Variants in SKAP1 observed in about 807,000 individuals in gnomAD.
SKAP1 encodes the protein src kinase associated phosphoprotein 1.
In SKAP1, 44 loss-of-function variants were observed where a neutral mutation model predicts 58.5. The observed-to-expected ratio is 0.75, with a 90% CI of 0.59 to 0.97. SKAP1 has a LOEUF of 0.97. Ranked by LOEUF, SKAP1 falls within the 50% of genes least tolerant of loss-of-function variation. The pLI, the probability that SKAP1 is intolerant of heterozygous loss-of-function variation, is 0.00. For missense variants in SKAP1, 390 were observed against 435.2 expected (o/e 0.90, Z 0.92); for synonymous variants, 127 against 149.7 (o/e 0.85, Z 1.11).
chr17:48,220,952 C>T (rs1433430168), intron 4 of SKAP1, among the ~76,000 whole-genome samples: 2 of 147,624 alleles, frequency 1.4e-5, no homozygotes, highest in Non-Finnish European at 3.0e-5. Flanking sequence ...GTAGGGCTTA[C>T]ATAAGTGTGT....
At chr17:48,159,365 A>T (rs2064037121) in intron 11 of SKAP1, among the ~76,000 whole-genome samples, 2 of 152,208 alleles carry the variant, frequency 1.3e-5, no homozygotes. Context: ...AAACAAGTCC[A>T]CTTAAGCTGA....
chr17:48,357,135 C>T (rs1442672294), intron 3 of SKAP1, among the ~76,000 whole-genome samples: 1 of 152,102 alleles, frequency 6.6e-6, no homozygotes, highest in African/African-American at 2.4e-5. Context: ...TCATGAACAT[C>T]CTTGTACATA....
intron 4 of SKAP1, among the ~76,000 whole-genome samples, chr17:48,209,477 T>C (rs753037543): frequency 6.6e-6 from 1 of 152,238 alleles, no homozygotes; most frequent in African/African-American, 2.4e-5. Context: ...TTGTAAAAGC[T>C]GGCCAGATAC....
At chr17:48,425,699 C>A (rs1289116170) in intron 1 of SKAP1, among the ~76,000 whole-genome samples, 1 of 152,176 alleles carries the variant, frequency 6.6e-6, no homozygotes, top group East Asian at 1.9e-4. Context: ...TTACATATAT[C>A]TCAATTCCAA....
chr17:48,137,810 A>G (rs1459263345), intron 11 of SKAP1, among the ~76,000 whole-genome samples: 2 of 152,218 alleles, frequency 1.3e-5, no homozygotes, highest in African/African-American at 2.4e-5. Flanking sequence ...ACAGCAGAGT[A>G]ATGGGCTTTG....
intron 9 of SKAP1, among the ~76,000 whole-genome samples, chr17:48,173,465 G>A (rs969754672): frequency 5.9e-5 from 9 of 152,180 alleles, no homozygotes; most frequent in African/African-American, 9.6e-5. Context: ...CTCGTTACTC[G>A]TCCACTTCCT....
chr17:48,336,932 C>A (rs2066580163), intron 4 of SKAP1, among the ~76,000 whole-genome samples: 1 of 152,042 alleles, frequency 6.6e-6, no homozygotes, highest in South Asian at 2.1e-4. Context: ...TATAATGAGA[C>A]AACATAATAA....
intron 2 of SKAP1, among the ~76,000 whole-genome samples, chr17:48,392,717 A>ATGCTAAAGGTGTGGTGT (rs1447208944): frequency 2.9e-4 from 44 of 152,034 alleles, no homozygotes; most frequent in Admixed American, 2.3e-3. Context: ...ACCTTTAGCC[A>ATGCTAAAGGTGTGGTGT]GGTGTGGTGG....
chr17:48,209,584 A>T (rs1477208811), intron 4 of SKAP1, among the ~76,000 whole-genome samples: 1 of 152,184 alleles, frequency 6.6e-6, no homozygotes, highest in Non-Finnish European at 1.5e-5. Flanking sequence ...GATTCCATGT[A>T]TGAAAGGATA....
intron 4 of SKAP1, among the ~76,000 whole-genome samples, chr17:48,257,628 C>CTTTTTTTTTTTTTTTTTTTTGTTTTTTT (rs2065438880): frequency 9.0e-6 from 1 of 111,150 alleles, no homozygotes; most frequent in Non-Finnish European, 1.8e-5. Flanking sequence ...TTCTTTCTTT[C>CTTTTTTTTTTTTTTTTTTTTGTTTTTTT]TTTTTTTTTT....
rs560260609 is a variant in SKAP1 at position 48,216,488 on chromosome 17, A to T, written c.281-26988T>A. On this transcript the variant is annotated intron_variant, in intron 4 of 12. Transcript: ENST00000336915. ...CTTTGCACAAGCACCCAATACTGTG[A>T]ATATACTTTTTTTTTTTTTTTGAGA... Among the ~76,000 whole-genome samples, 19 of 149,056 alleles carry T rather than the reference A, an allele frequency of 1.3e-4. No individual in the cohort carries two copies. In the South Asian group the frequency reaches 3.4e-3, roughly 26 times the overall value.
At chr17:48,249,669 A>G (rs953697609) in intron 4 of SKAP1, among the ~76,000 whole-genome samples, 1 of 152,084 alleles carries the variant, frequency 6.6e-6, no homozygotes, top group Non-Finnish European at 1.5e-5. Flanking sequence ...TTGTCTTAAA[A>G]AAAAAACAAA....
intron 4 of SKAP1, among the ~76,000 whole-genome samples, chr17:48,328,269 C>T (rs1013197625): frequency 4.6e-5 from 7 of 152,092 alleles, no homozygotes; most frequent in South Asian, 4.1e-4. Flanking sequence ...TGTACAAATT[C>T]GTGACAGCAT....
chr17:48,304,520 G>A (rs758792347), intron 4 of SKAP1, among the ~76,000 whole-genome samples: 1 of 152,168 alleles, frequency 6.6e-6, no homozygotes, highest in Non-Finnish European at 1.5e-5. Context: ...CTAAAAATTA[G>A]AGCTAATGGG....
chr17:48,287,139 T>A (rs1436114051), intron 4 of SKAP1, among the ~76,000 whole-genome samples: 1 of 140,934 alleles, frequency 7.1e-6, no homozygotes, highest in Non-Finnish European at 1.5e-5. Flanking sequence ...ATAAATAAAA[T>A]AAAAATCATC....
chr17:48,169,108 GGT>G (rs1491447760), intron 10 of SKAP1, among the ~76,000 whole-genome samples: 1 of 77,800 alleles, frequency 1.3e-5, no homozygotes, highest in Non-Finnish European at 3.0e-5. Flanking sequence ...AGGAACAAAA[GGT>G]TTTTTTTTTT....
chr17:48,286,740 A>G (rs1195456094), intron 4 of SKAP1, among the ~76,000 whole-genome samples: 1 of 152,212 alleles, frequency 6.6e-6, no homozygotes, highest in Non-Finnish European at 1.5e-5. Context: ...TTGGCTTTGA[A>G]ATCAGCTTAC....
intron 4 of SKAP1, among the ~76,000 whole-genome samples, chr17:48,198,892 A>G (rs898474901): frequency 2.0e-4 from 31 of 152,224 alleles, no homozygotes; most frequent in Non-Finnish European, 2.9e-5. Flanking sequence ...CCTGATACAA[A>G]TTAAGGCAGA....
intron 4 of SKAP1, among the ~76,000 whole-genome samples, chr17:48,236,071 G>A (rs1242089732): frequency 1.3e-5 from 2 of 152,208 alleles, no homozygotes. Flanking sequence ...CACTGGATGT[G>A]ATGATTGTAA....
Sources: gnomAD v4.1 joint callset for allele counts (sites outside exome capture counted in the v4.1 genomes callset) on GRCh38, gnomAD v4.1.1 for gene constraint, MANE v1.5 for transcripts, NCBI Gene and HGNC (gene_info 2026-07-23, HGNC 2026-07-21) for gene names.